The following TIPIN variants were observed in gnomAD, a reference collection of about 807,000 sequenced individuals.
TIPIN encodes TIMELESS-interacting protein.
TIPIN carries 29 observed loss-of-function variants against 35.6 expected under a neutral mutation model. That is an observed-to-expected ratio of 0.82 (90% confidence interval 0.61 to 1.11). The LOEUF (loss-of-function observed/expected upper bound fraction) is 1.11. Ranked by LOEUF, TIPIN falls within the 50% of genes most tolerant of loss-of-function variation. The probability of loss-of-function intolerance (pLI) is 0.00; values close to 1 mark genes in which losing one functional copy is unlikely to be tolerated. For synonymous variants in TIPIN, 102 were observed against 121.5 expected (o/e 0.84, Z 1.06); for missense variants, 296 against 345.4 (o/e 0.86, Z 1.13).
At chr15:66,357,880 T>C (rs1158570249), upstream of TIPIN, among the ~76,000 whole-genome samples, 1 of 151,768 alleles carries the variant, frequency 6.6e-6, no homozygotes. Flanking sequence ...CACTTGAACC[T>C]GGGAGGCAGA....
chr15:66,379,830 C>T lies in TIPIN; in HGVS notation c.-9+6777G>A, dbSNP rs2093311536. 1.9e-6 allele frequency: 3 copies of T among 1,596,624 alleles called. No individual in the cohort carries two copies. In the South Asian group the frequency reaches 3.3e-5, roughly 18 times the overall value. ...GTCCCTCCGCAGGGTTCCTCTGGGG[C>T]CATTCACGATAACTGTGTGTCCCTT... On this transcript the variant is annotated intron_variant, in intron 1 of 7. Coordinates refer to the TIPIN transcript ENST00000562124.
chr15:66,384,415 CT>C (rs2093329136), intron 1 of TIPIN, among the ~76,000 whole-genome samples: 2 of 152,092 alleles, frequency 1.3e-5, no homozygotes, highest in Admixed American at 1.3e-4. Context: ...CTGCCTCAGC[CT>C]CCTGAGTAGC....
chr15:66,371,517 T>C (rs2093277554), intron 1 of TIPIN: 1 of 445,070 alleles, frequency 2.2e-6, no homozygotes, highest in Admixed American at 7.8e-5. Context: ...GGTAATTGTT[T>C]CTTTTTTTTT....
chr15:66,376,574 G>A (rs758947315), intron 1 of TIPIN, among the ~76,000 whole-genome samples: 7 of 151,578 alleles, frequency 4.6e-5, no homozygotes, highest in African/African-American at 4.8e-5. Context: ...GATTACAGGC[G>A]TCTACCACCA....
Position 66,349,006 on chromosome 15 carries a change from AG to A in TIPIN, c.475+53del, listed in dbSNP as rs951679456. ...AGGGTTGAGCCACCACACCCTGCCTAGATCTATTTCTAAAAGCAAAATTGTT... is the reference window on the plus strand; with the variant it reads ...AGGGTTGAGCCACCACACCCTGCCTAATCTATTTCTAAAAGCAAAATTGTT... On this transcript the variant is annotated intron_variant, in intron 6 of 7. Transcript: ENST00000261881. The A allele has an allele frequency of 1.1e-4, 162 of 1,420,108 alleles. No individual in the cohort carries two copies. The African/African-American group carries it at 2.0e-3, about 17-fold the overall frequency. The allele number at this position is 1,420,108 out of a possible 1,614,324, so 88.0% of individuals were successfully genotyped here.
In TIPIN at chr15:66,352,844, T is replaced by C; in HGVS notation, c.104A>G (p.Gln35Arg). 1.2e-6 allele frequency: 2 copies of C among 1,613,294 alleles called. No homozygotes were observed. The highest frequency in any genetic ancestry group is 1.7e-6 in the Non-Finnish European group (2 of 1,179,896). Residue 35 changes from glutamine to arginine, a missense_variant, in exon 2 of 8, where the codon CAA (glutamine) becomes CGA (arginine). Physicochemically the swap from Gln to Arg is conservative, Grantham distance 43 (BLOSUM62 1). Transcript: ENST00000261881. Reference protein sequence around the residue: ...PFPPPASPERQDGEGTEPDEE... With the variant: ...PFPPPASPERRDGEGTEPDEE... ...ATCAGGCTCAGTTCCTTCACCATCTTGTCTCTCTGGAGAGGCTGGAGGTGG... is the reference window on the plus strand; with the variant it reads ...ATCAGGCTCAGTTCCTTCACCATCTCGTCTCTCTGGAGAGGCTGGAGGTGG...
chr15:66,347,470 T>G, intron 6 of TIPIN: 1 of 276,358 alleles, frequency 3.6e-6, no homozygotes, highest in Non-Finnish European at 7.4e-6. Flanking sequence ...ATGAACACTT[T>G]TATCTTGATA....
intron 1 of TIPIN, chr15:66,380,048 C>A (rs976136862): frequency 2.3e-6 from 1 of 437,758 alleles, no homozygotes; most frequent in Non-Finnish European, 3.9e-6. Flanking sequence ...GTCACCCAGG[C>A]TGGAGTGCAG....
intron 1 of TIPIN, among the ~76,000 whole-genome samples, chr15:66,372,250 A>G (rs1313274058): frequency 6.6e-6 from 1 of 152,226 alleles, no homozygotes; most frequent in Non-Finnish European, 1.5e-5. Flanking sequence ...TTCCTCAAGG[A>G]TAACCACTAT....
At chr15:66,379,322 G>A in intron 1 of TIPIN, 1 of 1,584,368 alleles carries the variant, frequency 6.3e-7, no homozygotes, top group South Asian at 1.1e-5. Flanking sequence ...TCTGTAGCTG[G>A]ATAACTCTTA....
At chr15:66,382,813 T>C in intron 1 of TIPIN, 4 of 444,422 alleles carry the variant, frequency 9.0e-6, no homozygotes, top group Non-Finnish European at 1.2e-5. Context: ...ACCAAATATA[T>C]ATGTTACAGT....
chr15:66,346,918 A>C (rs1286189492), intron 6 of TIPIN, among the ~76,000 whole-genome samples: 1 of 151,892 alleles, frequency 6.6e-6, no homozygotes, highest in Non-Finnish European at 1.5e-5. Context: ...CAGCCTCCCG[A>C]ATAGCTGGGA....
chr15:66,345,684 C>T (rs1320450339), intron 6 of TIPIN, among the ~76,000 whole-genome samples: 1 of 151,698 alleles, frequency 6.6e-6, no homozygotes, highest in African/African-American at 2.4e-5. Context: ...GCACTCCAGC[C>T]TAGGCAACAG....
At chr15:66,351,030 A>G (rs192318259) in intron 4 of TIPIN, among the ~76,000 whole-genome samples, 3 of 152,048 alleles carry the variant, frequency 2.0e-5, no homozygotes, top group Non-Finnish European at 2.9e-5. Flanking sequence ...CATCTGCAAA[A>G]AATTATACCT....
rs974736330 is a variant in TIPIN at position 66,336,645 on chromosome 15, A to G, written c.*313T>C. On this transcript the variant is annotated 3_prime_UTR_variant, in exon 8 of 8. Coordinates refer to ENST00000261881, the MANE Select transcript of TIPIN (RefSeq NM_017858.3). Reference sequence around the variant, plus strand: ...TTAGCCCTGCTTTGCAAGGAGCAGTAAAAAACAGAAACAAAACCTCCCAAC... The same window carrying G: ...TTAGCCCTGCTTTGCAAGGAGCAGTGAAAAACAGAAACAAAACCTCCCAAC... 1.4e-4 allele frequency: 43 copies of G among 312,828 alleles called. No homozygotes were observed. The highest frequency in any genetic ancestry group is 7.6e-4 in the African/African-American group (36 of 47,244). The allele number at this position is 312,828 out of a possible 1,614,324, so 19.4% of individuals were successfully genotyped here.
chr15:66,365,997 G>A (rs1296721169), intron 1 of TIPIN, among the ~76,000 whole-genome samples: 1 of 151,994 alleles, frequency 6.6e-6, no homozygotes, highest in Non-Finnish European at 1.5e-5. Flanking sequence ...TCTTCCTGGC[G>A]ACCACAAAGG....
chr15:66,360,055 G>C (rs1190541340), upstream of TIPIN, among the ~76,000 whole-genome samples: 1 of 151,982 alleles, frequency 6.6e-6, no homozygotes, highest in African/African-American at 2.4e-5. Flanking sequence ...TTATAGACAT[G>C]AGTCACCCCG....
intron 1 of TIPIN, chr15:66,379,574 G>T (rs543187332): frequency 9.4e-5 from 151 of 1,611,448 alleles, no homozygotes; most frequent in Non-Finnish European, 1.2e-4. Flanking sequence ...AGAAATTTCG[G>T]ATTTCAACAA....
intron 1 of TIPIN, among the ~76,000 whole-genome samples, chr15:66,368,982 G>A (rs1261518184): frequency 6.6e-6 from 1 of 152,080 alleles, no homozygotes; most frequent in African/African-American, 2.4e-5. Context: ...CTGAAGCTGA[G>A]TTTTCCTATT....
Sources: gnomAD v4.1 joint callset for allele counts (sites outside exome capture counted in the v4.1 genomes callset) on GRCh38, gnomAD v4.1.1 for gene constraint, MANE v1.5 for transcripts, NCBI Gene and HGNC (gene_info 2026-07-23, HGNC 2026-07-21) for gene names.